The following CYYR1 variants were observed in gnomAD, a reference collection of about 807,000 sequenced individuals.
CYYR1 encodes the protein cysteine and tyrosine rich 1.
A neutral mutation model predicts 15.2 loss-of-function variants in CYYR1; 14 were observed. The ratio of observed to expected loss-of-function variants is 0.92; its 90% confidence interval spans 0.61 to 1.44. The LOEUF (loss-of-function observed/expected upper bound fraction) is 1.44. Ranked by LOEUF, CYYR1 falls within the 40% of genes most tolerant of loss-of-function variation. The probability of loss-of-function intolerance (pLI) is 0.00; values close to 1 mark genes in which losing one functional copy is unlikely to be tolerated. For synonymous variants in CYYR1, 80 were observed against 77.4 expected, an observed-to-expected ratio of 1.03 and a Z score of -0.18; for missense variants, 228 against 209.5, an observed-to-expected ratio of 1.09 and a Z score of -0.54.
chr21:26,483,117 G>A (rs2065205118), intron 2 of CYYR1, among the ~76,000 whole-genome samples: 1 of 151,770 alleles, frequency 6.6e-6, no homozygotes, highest in African/African-American at 2.4e-5. Context: ...GAATTTCATT[G>A]ACTTTATCTT....
chr21:26,573,221 G>T lies in CYYR1; in HGVS notation c.-281C>A, dbSNP rs917336679. ...CCCCACTGCGCTCAGGCGCGGGGAA[G>T]GCGGCCACTCCGGCGTCCTTGGCCA... On this transcript the variant is annotated 5_prime_UTR_variant, in exon 1 of 4. Coordinates refer to ENST00000652641, the MANE Select transcript of CYYR1 (RefSeq NM_001320768.2). 7.0e-7 allele frequency: 1 copy of T among 1,421,190 alleles called. No individual in the cohort carries two copies. Among genetic ancestry groups the T allele is most frequent in the East Asian group, 3.3e-5 (1 of 30,270 alleles). 88.0% of individuals were successfully genotyped at this position (1,421,190 alleles called of 1,614,324 possible).
intron 2 of CYYR1, among the ~76,000 whole-genome samples, chr21:26,498,830 A>T (rs1358028026): frequency 6.6e-6 from 1 of 152,074 alleles, no homozygotes; most frequent in Non-Finnish European, 1.5e-5. Flanking sequence ...AAGGGGGAAA[A>T]GCCCCTTATA....
chr21:26,519,436 G>T (rs2065774568), intron 2 of CYYR1, among the ~76,000 whole-genome samples: 1 of 152,034 alleles, frequency 6.6e-6, no homozygotes, highest in Non-Finnish European at 1.5e-5. Context: ...CTAGGAGAGG[G>T]ACCTGAAGGG....
At chr21:26,487,009 T>C (rs1426396169) in intron 2 of CYYR1, among the ~76,000 whole-genome samples, 1 of 152,076 alleles carries the variant, frequency 6.6e-6, no homozygotes, top group East Asian at 1.9e-4. Flanking sequence ...AATAATTTAG[T>C]AACAGCAGTC....
chr21:26,492,766 A>T (rs1371808987), intron 2 of CYYR1, among the ~76,000 whole-genome samples: 1 of 152,198 alleles, frequency 6.6e-6, no homozygotes, highest in Non-Finnish European at 1.5e-5. Flanking sequence ...TGCAGCATGA[A>T]ACAATTTTAA....
chr21:26,482,159 G>T, intron 2 of CYYR1: 1 of 459,092 alleles, frequency 2.2e-6, no homozygotes, highest in Non-Finnish European at 2.9e-6. Flanking sequence ...TTTATCCTTG[G>T]TTAAATCAGT....
chr21:26,549,620 G>C (rs1435403186), intron 2 of CYYR1, among the ~76,000 whole-genome samples: 1 of 152,070 alleles, frequency 6.6e-6, no homozygotes, highest in Admixed American at 6.6e-5. Context: ...TTCTACCATG[G>C]CTGCAATGGG....
At chr21:26,572,259 C>A (rs1293769966) in intron 1 of CYYR1, among the ~76,000 whole-genome samples, 1 of 152,196 alleles carries the variant, frequency 6.6e-6, no homozygotes, top group African/African-American at 2.4e-5. Flanking sequence ...AGAAAACCCA[C>A]TTTGCTTCGT....
chr21:26,552,327 T>C lies in CYYR1; in HGVS notation c.176+13939A>G, dbSNP rs1979452801. On this transcript the variant is annotated intron_variant, in intron 2 of 3. Transcript: ENST00000652641. ...TTTGTCAGCCACTCCAGCTTTCTTTTGGTTAATATTTGCATGGTATATCTT... is the reference window on the plus strand; with the variant it reads ...TTTGTCAGCCACTCCAGCTTTCTTTCGGTTAATATTTGCATGGTATATCTT... Among the ~76,000 whole-genome samples the C allele has an allele frequency of 2.6e-5, 4 of 152,172 alleles. No individual in the cohort carries two copies. In the South Asian group the frequency reaches 8.3e-4, roughly 31 times the overall value.
chr21:26,509,243 A>T (rs1569153601), intron 2 of CYYR1, among the ~76,000 whole-genome samples: 1 of 152,164 alleles, frequency 6.6e-6, no homozygotes, highest in Non-Finnish European at 1.5e-5. Flanking sequence ...CTCCTAAAAC[A>T]TCAAATGCTC....
intron 1 of CYYR1, among the ~76,000 whole-genome samples, 167 bp downstream of exon 1, chr21:26,572,701 C>T (rs575010175): frequency 6.6e-6 from 1 of 152,336 alleles, no homozygotes; most frequent in South Asian, 2.1e-4. Flanking sequence ...CCGCGTGCGG[C>T]TGGAAGTGCG....
chr21:26,485,358 A>AT (rs2065236285), intron 2 of CYYR1, among the ~76,000 whole-genome samples: 1 of 152,080 alleles, frequency 6.6e-6, no homozygotes, highest in Admixed American at 6.6e-5. Context: ...TTATAGTTCC[A>AT]TGTCATCTGA....
chr21:26,481,592 GT>G (rs1375612822), intron 2 of CYYR1, among the ~76,000 whole-genome samples: 2 of 151,988 alleles, frequency 1.3e-5, no homozygotes, highest in African/African-American at 4.8e-5. Flanking sequence ...ATATTCCACG[GT>G]GTGTATGTAC....
At chr21:26,533,773 T>G (rs988820099) in intron 2 of CYYR1, among the ~76,000 whole-genome samples, 1 of 152,152 alleles carries the variant, frequency 6.6e-6, no homozygotes, top group African/African-American at 2.4e-5. Flanking sequence ...TGTGCGTGTG[T>G]ATGTATTTTC....
At chr21:26,498,052 T>G (rs887545325) in intron 2 of CYYR1, among the ~76,000 whole-genome samples, 3 of 152,210 alleles carry the variant, frequency 2.0e-5, no homozygotes, top group Admixed American at 2.0e-4. Context: ...CTTTTACATT[T>G]GCTAAGTTCT....
chr21:26,468,618 G>A lies in CYYR1; in HGVS notation c.351C>T (p.Tyr117=), dbSNP rs766711396. ...AGTATTCCATCTCGTGGTCGTGACC[G>A]TAGGGTGGTGGTCCTGCTGAAAAAG... ...VSSYPAGPPP[Y]GHDHEMEYCA... Residue 117 remains tyrosine (Y), a synonymous_variant, in exon 4 of 4, where the codon TAC becomes TAT. Coordinates refer to ENST00000652641, the MANE Select transcript of CYYR1 (RefSeq NM_001320768.2). The A allele has an allele frequency of 1.4e-5, 22 of 1,607,686 alleles. No homozygotes were observed. Among genetic ancestry groups the A allele is most frequent in the African/African-American group, 2.7e-5 (2 of 74,728 alleles).
At chr21:26,516,638 A>G (rs2065730503) in intron 2 of CYYR1, among the ~76,000 whole-genome samples, 1 of 152,212 alleles carries the variant, frequency 6.6e-6, no homozygotes, top group Non-Finnish European at 1.5e-5. Context: ...ATTATGTATG[A>G]TAATGGTCAA....
At chr21:26,498,233 T>C (rs2065433567) in intron 2 of CYYR1, among the ~76,000 whole-genome samples, 1 of 152,224 alleles carries the variant, frequency 6.6e-6, no homozygotes, top group Admixed American at 6.5e-5. Context: ...TTGAAGGCCC[T>C]ATAGCCATTT....
intron 2 of CYYR1, among the ~76,000 whole-genome samples, chr21:26,542,292 T>TGC (rs1028985644): frequency 1.2e-4 from 8 of 65,526 alleles, no homozygotes; most frequent in African/African-American, 2.3e-4. Flanking sequence ...TGTGTGTGCG[T>TGC]GTGTGTGTGT....
Sources: gnomAD v4.1 joint callset for allele counts (sites outside exome capture counted in the v4.1 genomes callset) on GRCh38, gnomAD v4.1.1 for gene constraint, MANE v1.5 for transcripts, NCBI Gene and HGNC (gene_info 2026-07-23, HGNC 2026-07-21) for gene names.